Variants in MYO1B observed in about 807,000 individuals in gnomAD.
The protein encoded by MYO1B is myosin IB.
Under a neutral mutation model 159.7 loss-of-function variants are expected in MYO1B, and 72 were observed. That is an observed-to-expected ratio of 0.45 (90% CI 0.37 to 0.55). The LOEUF is 0.55. Ranked by LOEUF, MYO1B falls within the 20% of genes least tolerant of loss-of-function variation. MYO1B has a pLI of 0.00. For synonymous variants in MYO1B, 468 were observed against 473.8 expected, an observed-to-expected ratio of 0.99 and a Z score of 0.16; for missense variants, 1,062 against 1,364.8, an observed-to-expected ratio of 0.78 and a Z score of 3.50.
intron 4 of MYO1B, among the ~76,000 whole-genome samples, chr2:191,340,730 G>T (rs1692162684): frequency 1.4e-5 from 2 of 146,054 alleles, no homozygotes; most frequent in Admixed American, 1.3e-4. Context: ...TTGGTTTTTG[G>T]TGTTTTTTTT....
intron 11 of MYO1B, among the ~76,000 whole-genome samples, chr2:191,366,567 C>T (rs1188347224): frequency 6.6e-6 from 1 of 152,082 alleles, no homozygotes; most frequent in African/African-American, 2.4e-5. Context: ...TTAGACCTTT[C>T]TCTAGATAGG....
At chr2:191,399,846 G>A (rs567776104) in intron 21 of MYO1B, among the ~76,000 whole-genome samples, 2 of 152,218 alleles carry the variant, frequency 1.3e-5, no homozygotes, top group African/African-American at 2.4e-5. Context: ...AGAGACCTTA[G>A]AGGAAGGACC....
intron 18 of MYO1B, 107 bp downstream of exon 18, chr2:191,390,599 A>C (rs1351382032): frequency 7.9e-7 from 1 of 1,272,986 alleles, no homozygotes; most frequent in Non-Finnish European, 1.1e-6. Context: ...GAAAAACTGG[A>C]TGTAACCTCT....
chr2:191,387,765 T>C (rs1471812633), intron 17 of MYO1B: 1 of 362,408 alleles, frequency 2.8e-6, no homozygotes, highest in African/African-American at 2.1e-5. Flanking sequence ...AAAAACAAAA[T>C]GCAAGTGTTT....
At chr2:191,286,922 C>T (rs1011553260) in intron 2 of MYO1B, among the ~76,000 whole-genome samples, 1 of 152,078 alleles carries the variant, frequency 6.6e-6, no homozygotes, top group East Asian at 1.9e-4. Flanking sequence ...CAGAGCTAGA[C>T]CCTGTCTCAA....
intron 30 of MYO1B, among the ~76,000 whole-genome samples, chr2:191,419,620 G>A (rs1697813956): frequency 6.6e-6 from 1 of 152,096 alleles, no homozygotes; most frequent in Non-Finnish European, 1.5e-5. Flanking sequence ...ATTTCAGAAG[G>A]CATTGTTATC....
intron 2 of MYO1B, among the ~76,000 whole-genome samples, chr2:191,289,777 A>T (rs1216409913): frequency 6.6e-6 from 1 of 152,240 alleles, no homozygotes; most frequent in African/African-American, 2.4e-5. Context: ...TGAGAAACTG[A>T]AATGTAAACC....
intron 3 of MYO1B, among the ~76,000 whole-genome samples, chr2:191,315,182 TCCATCCATCCAC>T (rs1413038972): frequency 2.6e-5 from 4 of 151,824 alleles, no homozygotes; most frequent in Admixed American, 2.0e-4. Context: ...CATCCATCCA[TCCATCCATCCAC>T]CCATCCATCT....
intron 1 of MYO1B, among the ~76,000 whole-genome samples, chr2:191,269,842 G>A (rs1687353418): frequency 3.3e-5 from 5 of 152,174 alleles, no homozygotes. Flanking sequence ...ACAGGGAGAA[G>A]CCAAGGATGA....
In MYO1B at chr2:191,252,334, G is replaced by A. The variant is rs147615124; in HGVS notation, c.-10+6708G>A. On this transcript the variant is annotated intron_variant, in intron 1 of 30. Coordinates refer to ENST00000392318, the MANE Select transcript of MYO1B (RefSeq NM_001130158.3). ...TGGTCAGGTTCAGGGCTTATTTGCC[G>A]TAGTACTCTGCAGGTATTCTGTGAC... is the stretch of plus-strand genomic sequence containing the variant. Among the ~76,000 whole-genome samples, 396 of 152,280 alleles carry A rather than the reference G, an allele frequency of 2.6e-3. 2 individuals carry two copies. The highest frequency in any genetic ancestry group is 0.011 in the East Asian group (55 of 5,182).
Position 191,390,385 on chromosome 2 carries a change from C to A in MYO1B, c.1875C>A (p.Val625=). 1 of 1,614,230 alleles carries A rather than the reference C, an allele frequency of 6.2e-7. No homozygotes were observed. ...GGTACCTGGGGCTTTTGGAGAACGT[C>A]CGAGTGCGGAGGGCAGGCTACGCCT... is the stretch of plus-strand genomic sequence containing the variant. ...QIRYLGLLEN[V]RVRRAGYAFR... Residue 625 remains valine (V), a synonymous_variant, in exon 18 of 31, where the codon GTC becomes GTA. Transcript: ENST00000392318.
At chr2:191,419,368 G>A (rs10190236) in intron 30 of MYO1B, among the ~76,000 whole-genome samples, 8,487 of 151,856 alleles carry the variant, frequency 0.056, 804 homozygotes, top group African/African-American at 0.19. Flanking sequence ...ACAGCTGCCC[G>A]CCACCACGCC....
At chr2:191,251,349 C>T (rs1686102225) in intron 1 of MYO1B, among the ~76,000 whole-genome samples, 1 of 152,210 alleles carries the variant, frequency 6.6e-6, no homozygotes, top group African/African-American at 2.4e-5. Context: ...CATTGCAGAG[C>T]TGGGTTTTGG....
chr2:191,333,667 C>T (rs1431868079), intron 4 of MYO1B, among the ~76,000 whole-genome samples: 2 of 152,010 alleles, frequency 1.3e-5, no homozygotes, highest in Non-Finnish European at 2.9e-5. Context: ...TTTTACAGAC[C>T]CCAGTCTTTG....
intron 5 of MYO1B, among the ~76,000 whole-genome samples, 196 bp from the exon 6 acceptor site, chr2:191,346,040 C>A (rs1184749621): frequency 2.0e-5 from 3 of 152,098 alleles, no homozygotes; most frequent in Non-Finnish European, 4.4e-5. Context: ...TTTCTATGAA[C>A]TTGTAAGACA....
At chr2:191,390,210 T>C in intron 17 of MYO1B, 82 bp from the exon 18 acceptor site, 1 of 1,277,650 alleles carries the variant, frequency 7.8e-7, no homozygotes, top group Non-Finnish European at 1.1e-6. Context: ...TATGAAACAG[T>C]TATATATAAT....
intron 21 of MYO1B, among the ~76,000 whole-genome samples, chr2:191,398,990 G>A (rs941350060): frequency 1.3e-5 from 2 of 152,228 alleles, no homozygotes; most frequent in Non-Finnish European, 2.9e-5. Context: ...AGCACTGAGT[G>A]AACGAGACTC....
chr2:191,257,948 A>AGTCTG (rs1268587959), intron 1 of MYO1B, among the ~76,000 whole-genome samples: 1 of 152,242 alleles, frequency 6.6e-6, no homozygotes, highest in Non-Finnish European at 1.5e-5. Flanking sequence ...GCTTTAAGGA[A>AGTCTG]GTCTGGGACA....
At chr2:191,303,964 C>CCCA (rs1689488643) in intron 3 of MYO1B, among the ~76,000 whole-genome samples, 1 of 152,188 alleles carries the variant, frequency 6.6e-6, no homozygotes, top group African/African-American at 2.4e-5. Flanking sequence ...TTATGCATGA[C>CCCA]TGTCATGGGT....
Sources: gnomAD v4.1 joint callset for allele counts (sites outside exome capture counted in the v4.1 genomes callset) on GRCh38, gnomAD v4.1.1 for gene constraint, MANE v1.5 for transcripts, NCBI Gene and HGNC (gene_info 2026-07-23, HGNC 2026-07-21) for gene names.